The following TSC2 variants were observed in gnomAD, a reference collection of about 807,000 sequenced individuals.
The protein encoded by TSC2 is TSC complex subunit 2.
A neutral mutation model predicts 202.2 loss-of-function variants in TSC2; 29 were observed. The observed-to-expected ratio is 0.14, with a 90% CI of 0.11 to 0.20. TSC2 has a LOEUF of 0.20. Ranked by LOEUF, TSC2 falls within the 10% of genes least tolerant of loss-of-function variation. The pLI is 1.00. For missense variants in TSC2, 2,429 were observed against 2,420.0 expected, an observed-to-expected ratio of 1.00 and a Z score of -0.08; for synonymous variants, 1,349 against 1,044.0, an observed-to-expected ratio of 1.29 and a Z score of -5.63.
chr16:2,088,001 G>A (rs2091073814), intron 39 of TSC2, 47 bp from the exon 40 acceptor site: 1 of 1,612,776 alleles, frequency 6.2e-7, no homozygotes, highest in African/African-American at 1.3e-5. Context: ...GCCCTGCAGT[G>A]TGGCGCCAAG....
At chr16:2,078,564 C>T (rs1326209962) in intron 26 of TSC2, 2 of 266,662 alleles carry the variant, frequency 7.5e-6, no homozygotes, top group African/African-American at 2.2e-5. Flanking sequence ...AGCCTCTTCC[C>T]TGTCACTGGG....
At chr16:2,052,262 G>C (rs1364630113) in intron 3 of TSC2, among the ~76,000 whole-genome samples, 2 of 118,448 alleles carry the variant, frequency 1.7e-5, no homozygotes, top group Non-Finnish European at 3.6e-5. Flanking sequence ...CCAGTTGTCT[G>C]AATTGGTTGG....
intron 38 of TSC2, among the ~76,000 whole-genome samples, chr16:2,087,485 T>TGG (rs60318294): frequency 1.2e-3 from 97 of 80,302 alleles, no homozygotes; most frequent in East Asian, 3.4e-3. Flanking sequence ...GACAACCAGT[T>TGG]GGGGGGGGGG....
chr16:2,055,480 A>G lies in TSC2; in HGVS notation c.560A>G (p.Asn187Ser), dbSNP rs45505405. The G allele has an allele frequency of 2.2e-5, 36 of 1,614,138 alleles. No individual in the cohort carries two copies. Among genetic ancestry groups the G allele is most frequent in the Non-Finnish European group, 2.9e-5 (34 of 1,180,054 alleles). Reference protein sequence around the residue: ...LLVLVNLVKFNSCYLDEYIAR... With the variant: ...LLVLVNLVKFSSCYLDEYIAR... ...GTGCTGGTGAACTTGGTCAAATTCA[A>G]TAGCTGTTACCTCGACGAGTACATC... Residue 187 changes from asparagine to serine, a missense_variant, in exon 6 of 42, where the codon AAT (asparagine) becomes AGT (serine). By Grantham distance (46) the Asn-to-Ser change is conservative (BLOSUM62 1). Coordinates refer to ENST00000219476, the MANE Select transcript of TSC2 (RefSeq NM_000548.5).
Position 2,079,861 on chromosome 16 carries a change from G to A in TSC2, c.3397+192G>A, listed in dbSNP as rs1216272156. Among the ~76,000 whole-genome samples the A allele has an allele frequency of 6.6e-6, 1 of 152,166 alleles. No individual in the cohort carries two copies. Among genetic ancestry groups the A allele is most frequent in the East Asian group, 1.9e-4 (1 of 5,160 alleles). ...TGGAGTGGTGGAGTGTGGCCCGCTTGCTGCAGAGGGGCCTGCTCTGGGTGC... is the reference window on the plus strand; with the variant it reads ...TGGAGTGGTGGAGTGTGGCCCGCTTACTGCAGAGGGGCCTGCTCTGGGTGC... On this transcript the variant is annotated intron_variant, in intron 29 of 41. Coordinates refer to ENST00000219476, the MANE Select transcript of TSC2 (RefSeq NM_000548.5). This position sits in a 1 kb window ranked among gnomAD's most constrained non-coding sequence, Gnocchi z 4.6.
Position 2,053,383 on chromosome 16 carries a change from G to T in TSC2, c.267G>T (p.Leu89Phe), listed in dbSNP as rs1286845026. The T allele has an allele frequency of 1.3e-6, 2 of 1,592,316 alleles. No homozygotes were observed. Among genetic ancestry groups the T allele is most frequent in the East Asian group, 2.3e-5 (1 of 43,892 alleles). The stretch of plus-strand genomic sequence containing the variant: ...TCTGGAAGGCGGTCGCGGATCTGTT[G>T]CAGCCGGAGCGGCCGCTGGAGGCCC... ...EALWKAVADL[L>F]QPERPLEARH... The change falls in exon 4 of 42, where the codon TTG becomes TTT. Residue 89 changes from leucine to phenylalanine, a missense_variant. Leu to Phe is a conservative substitution (Grantham distance 22, BLOSUM62 0). Transcript: ENST00000219476.
Position 2,064,032 on chromosome 16 carries a change from G to A in TSC2, c.1444-240G>A, listed in dbSNP as rs578235405. The A allele has an allele frequency of 3.3e-4, 201 of 601,130 alleles. 1 individual carries two copies. The East Asian group carries it at 5.8e-3, about 17-fold the overall frequency. 37.2% of individuals were successfully genotyped at this position (601,130 alleles called of 1,614,324 possible). ...CTTGTGAGTTGTGGGCCCCGTGTCTGTGCCCGGCCGCCCTGCGGTGCTCAC... is the reference window on the plus strand; with the variant it reads ...CTTGTGAGTTGTGGGCCCCGTGTCTATGCCCGGCCGCCCTGCGGTGCTCAC... On this transcript the variant is annotated intron_variant, in intron 14 of 41. Coordinates refer to ENST00000219476, the MANE Select transcript of TSC2 (RefSeq NM_000548.5).
At chr16:2,056,820 A>G (rs774780672) in intron 8 of TSC2, 51 bp downstream of exon 8, 1 of 1,600,328 alleles carries the variant, frequency 6.2e-7, no homozygotes, top group Non-Finnish European at 8.5e-7. Flanking sequence ...CATGGATGGG[A>G]CAAGGGCCAT....
At position 2,083,721 on chromosome 16, in the gene TSC2, A is replaced by T. The variant is rs1305173000; in HGVS notation, c.3910A>T (p.Ser1304Cys). ...CTCCGCCGTGGTCATGGAGGAGGGA[A>T]GTCCGGGCGAGGTTCCTGTGCTGGT... ...ADSAVVMEEG[S>C]PGEVPVLVEP... Residue 1304 changes from serine to cysteine, a missense_variant, in exon 33 of 42, where the codon AGT (serine) becomes TGT (cysteine). Physicochemically the swap from Ser to Cys is moderately radical, Grantham distance 112. Transcript: ENST00000219476. 2.5e-6 allele frequency: 4 copies of T among 1,595,564 alleles called. No homozygotes were observed. In the African/African-American group the frequency reaches 5.3e-5, roughly 21 times the overall value.
At chr16:2,076,367 T>C in intron 24 of TSC2, 124 bp from the exon 25 acceptor site, 1 of 1,576,270 alleles carries the variant, frequency 6.3e-7, no homozygotes, top group Non-Finnish European at 8.6e-7. Context: ...GGGTGGGAGC[T>C]GGGTGCCGCC....
In TSC2 at chr16:2,076,192, G is replaced by C. The variant is rs369907441; in HGVS notation, c.2742+22G>C. 81 of 1,613,272 alleles carry C rather than the reference G, an allele frequency of 5.0e-5. No homozygotes were observed. In the African/African-American group the frequency reaches 8.5e-4, roughly 17 times the overall value. On this transcript the variant is annotated intron_variant, in intron 24 of 41. Transcript: ENST00000219476. The stretch of plus-strand genomic sequence containing the variant: ...TAAGGTGGGCTCAGGGCCGGTGAAG[G>C]CTGTGTCTCTCGGTAGGCCAGGGCT...
rs1596398771 is a variant in TSC2, at chr16:2,081,466, C to T, written c.3611-129C>T. ...GTCAGAGCAGCGCTGGCTCCGACAT[C>T]GTGGTCCTGAGGATTGTGGGAGGGA... On this transcript the variant is annotated intron_variant, in intron 30 of 41. Coordinates refer to ENST00000219476, the MANE Select transcript of TSC2 (RefSeq NM_000548.5). The T allele has an allele frequency of 9.0e-6, 11 of 1,219,666 alleles. No individual in the cohort carries two copies. The East Asian group carries it at 1.6e-4, about 18-fold the overall frequency. 75.6% of individuals were successfully genotyped at this position (1,219,666 alleles called of 1,614,324 possible). A position where few individuals can be genotyped will look rare whatever the true frequency, so the allele number is the denominator to read the frequency against.
At chr16:2,071,201 T>G (rs1485348544) in intron 17 of TSC2, among the ~76,000 whole-genome samples, 2 of 152,158 alleles carry the variant, frequency 1.3e-5, no homozygotes, top group African/African-American at 2.4e-5. Flanking sequence ...TTCTGGCAGT[T>G]GGGGGCGTGT....
chr16:2,079,578 G>A lies in TSC2; in HGVS notation c.3306G>A (p.Val1102=), dbSNP rs762917290. ...PESSSSPGVH[V]RQTKEAPAKL... ...TCAGCTCCAGCCCCGGGGTGCATGT[G>A]AGACAGACCAAGGAGGCGCCGGCCA... Residue 1102 remains valine (V), a synonymous_variant, in exon 29 of 42, where the codon GTG becomes GTA. Coordinates refer to ENST00000219476, the MANE Select transcript of TSC2 (RefSeq NM_000548.5). The surrounding 1 kb of genome is among the most constrained non-coding windows in gnomAD (Gnocchi z 4.6). The A allele has an allele frequency of 1.2e-6, 2 of 1,611,552 alleles. No homozygotes were observed. Among genetic ancestry groups the A allele is most frequent in the Non-Finnish European group, 1.7e-6 (2 of 1,179,490 alleles).
chr16:2,077,404 A>AT, intron 25 of TSC2, 194 bp from the exon 26 acceptor site: 1 of 714,384 alleles, frequency 1.4e-6, no homozygotes, highest in East Asian at 2.5e-5. Flanking sequence ...ACGTATTATC[A>AT]TGCATTTTTG....
In TSC2 at chr16:2,076,650, G is replaced by C. The variant is rs1797883997; in HGVS notation, c.2837+65G>C. 1.7e-5 allele frequency: 26 copies of C among 1,524,840 alleles called. No individual in the cohort carries two copies. In the South Asian group the frequency reaches 2.8e-4, roughly 17 times the overall value. The allele number at this position is 1,524,840 out of a possible 1,614,324, so 94.5% of individuals were successfully genotyped here. On this transcript the variant is annotated intron_variant, in intron 25 of 41. Coordinates refer to ENST00000219476, the MANE Select transcript of TSC2 (RefSeq NM_000548.5). ...GGGGAAGGACATGGGGCTGTGGCCT[G>C]CCTGACGGTGCCTCCAAGTCAGTGA...
In TSC2 at chr16:2,080,463, C is replaced by T. The variant is rs918150647; in HGVS notation, c.3610+86C>T. 5.3e-6 allele frequency: 8 copies of T among 1,505,980 alleles called. No homozygotes were observed. The African/African-American group carries it at 1.1e-4, about 21-fold the overall frequency. The allele number at this position is 1,505,980 out of a possible 1,614,324, so 93.3% of individuals were successfully genotyped here. A position where few individuals can be genotyped will look rare whatever the true frequency, so the allele number is the denominator to read the frequency against. On this transcript the variant is annotated intron_variant, in intron 30 of 41. Coordinates refer to ENST00000219476, the MANE Select transcript of TSC2 (RefSeq NM_000548.5). ...ACTCAGGGGCGATTGCAGACTTGGC[C>T]CTCTTGGGATATTTGGGGGTAACTT...
rs368013485 is a variant in TSC2 at position 2,089,021 on chromosome 16, G to A, written c.*411G>A. 37 of 214,796 alleles carry A rather than the reference G, an allele frequency of 1.7e-4. No homozygotes were observed. Among genetic ancestry groups the A allele is most frequent in the South Asian group, 1.0e-3 (13 of 12,626 alleles). 13.3% of individuals were successfully genotyped at this position (214,796 alleles called of 1,614,324 possible). On this transcript the variant is annotated 3_prime_UTR_variant, in exon 42 of 42. Transcript: ENST00000219476. Reference sequence around the variant, plus strand: ...AGACCTGATGCCAGCAGGCCTGGGCGCTGCTCTCTTGCTACCTGGCCTGGG... The same window carrying A: ...AGACCTGATGCCAGCAGGCCTGGGCACTGCTCTCTTGCTACCTGGCCTGGG...
intron 2 of TSC2, 118 bp from the exon 3 acceptor site, chr16:2,050,282 C>G: frequency 2.0e-6 from 2 of 979,722 alleles, no homozygotes; most frequent in Admixed American, 3.9e-5. Flanking sequence ...CCAGAAAGAT[C>G]TGTTTTAAGT....
Sources: gnomAD v4.1 joint callset for allele counts (sites outside exome capture counted in the v4.1 genomes callset) on GRCh38, gnomAD v4.1.1 for gene constraint, Gnocchi (gnomAD v3.1) non-coding constraint, MANE v1.5 for transcripts, NCBI Gene and HGNC (gene_info 2026-07-23, HGNC 2026-07-21) for gene names.